The following FHOD3 variants were observed in gnomAD, a reference collection of about 807,000 sequenced individuals.
The protein encoded by FHOD3 is FH1/FH2 domain-containing protein 3.
FHOD3 carries 90 observed loss-of-function variants against 173.0 expected under a neutral mutation model. The ratio of observed to expected loss-of-function variants is 0.52; its 90% CI spans 0.44 to 0.62. FHOD3 has a LOEUF of 0.62. Ranked by LOEUF, FHOD3 falls within the 20% of genes least tolerant of loss-of-function variation. The probability of loss-of-function intolerance (pLI) is 0.00; values close to 1 mark genes in which losing one functional copy is unlikely to be tolerated. For synonymous variants in FHOD3, 828 were observed against 823.0 expected, an observed-to-expected ratio of 1.01 and a Z score of -0.10; for missense variants, 1,945 against 2,034.7, an observed-to-expected ratio of 0.96 and a Z score of 0.85.
Position 36,681,510 on chromosome 18 carries a change from G to A in FHOD3, c.1910G>A (p.Arg637Gln), listed in dbSNP as rs151313792. The A allele has an allele frequency of 3.1e-3, 5,011 of 1,613,828 alleles. 14 individuals are homozygous for A. The highest frequency in any genetic ancestry group is 3.9e-3 in the Non-Finnish European group (4,616 of 1,179,896). ...TCACTGGCAGCAGAGAGAGAGAGGCGGCGGCAGGAGAGAGAAGAAAGGTTG... is the reference window on the plus strand; with the variant it reads ...TCACTGGCAGCAGAGAGAGAGAGGCAGCGGCAGGAGAGAGAAGAAAGGTTG... The part of the protein sequence containing the change: ...QESLAAERER[R>Q]RQEREERLQR... Residue 637 changes from arginine to glutamine, a missense_variant, in exon 15 of 29, where the codon CGG becomes CAG. Physicochemically the swap from Arg to Gln is conservative, Grantham distance 43 (BLOSUM62 1). Around this residue, in one of 5 missense-constraint regions of FHOD3, gnomAD observed 1,099 missense variants for 1,051.2 expected, o/e 1.05. Transcript: ENST00000590592.
chr18:36,580,129 G>C (rs2058793733), intron 6 of FHOD3, among the ~76,000 whole-genome samples: 1 of 152,104 alleles, frequency 6.6e-6, no homozygotes, highest in South Asian at 2.1e-4. Flanking sequence ...AAATTAAAAA[G>C]TTTCAAAAAT....
chr18:36,616,806 G>A (rs1234375063), intron 9 of FHOD3, among the ~76,000 whole-genome samples: 1 of 152,176 alleles, frequency 6.6e-6, no homozygotes, highest in Non-Finnish European at 1.5e-5. Context: ...ATCAGAATTG[G>A]CTAATCAGAG....
intron 24 of FHOD3, 37 bp downstream of exon 24, chr18:36,747,172 A>G: frequency 6.8e-7 from 1 of 1,481,256 alleles, no homozygotes; most frequent in Non-Finnish European, 9.0e-7. Flanking sequence ...ATATCAGTAC[A>G]ATGGCATATT....
chr18:36,593,441 G>A (rs1237600975), intron 6 of FHOD3, among the ~76,000 whole-genome samples: 2 of 152,160 alleles, frequency 1.3e-5, no homozygotes, highest in African/African-American at 2.4e-5. Flanking sequence ...GAAGCAAGGG[G>A]GTAAAGGGGT....
chr18:36,316,500 G>C (rs1245792400), intron 1 of FHOD3, among the ~76,000 whole-genome samples: 1 of 152,210 alleles, frequency 6.6e-6, no homozygotes, highest in Non-Finnish European at 1.5e-5. Flanking sequence ...TTGTCCTTTT[G>C]AGCTGTCTAT....
At position 36,603,934 on chromosome 18, in the gene FHOD3, G is replaced by C. The variant is rs757508394; in HGVS notation, c.813+1166G>C. Among the ~76,000 whole-genome samples the C allele has an allele frequency of 4.6e-5, 7 of 152,280 alleles. No individual in the cohort carries two copies. The South Asian group carries it at 8.3e-4, about 18-fold the overall frequency. On this transcript the variant is annotated intron_variant, in intron 8 of 28. Transcript: ENST00000590592. ...ACTGCATATTGAAGTTGGACTCTTG[G>C]GCTGAGATAAGGAATCCTGGGGGTA...
intron 23 of FHOD3, among the ~76,000 whole-genome samples, chr18:36,745,585 GA>G (rs2042112198): frequency 6.6e-6 from 1 of 152,080 alleles, no homozygotes; most frequent in Non-Finnish European, 1.5e-5. Flanking sequence ...CTGGAGGTCT[GA>G]AGTCACTCCA....
intron 27 of FHOD3, among the ~76,000 whole-genome samples, chr18:36,764,383 A>T (rs1188223265): frequency 6.6e-6 from 1 of 152,198 alleles, no homozygotes; most frequent in Non-Finnish European, 1.5e-5. Context: ...GGCCTAAGAC[A>T]TCCCATGTAT....
intron 13 of FHOD3, among the ~76,000 whole-genome samples, chr18:36,657,668 A>G (rs995750932): frequency 6.6e-6 from 1 of 152,264 alleles, no homozygotes; most frequent in African/African-American, 2.4e-5. Flanking sequence ...TTAGCCAACC[A>G]TATGGTATTT....
intron 10 of FHOD3, among the ~76,000 whole-genome samples, chr18:36,642,498 A>T (rs2035389681): frequency 7.1e-6 from 1 of 141,304 alleles, no homozygotes; most frequent in Admixed American, 7.4e-5. Context: ...GGGTGCCTGT[A>T]GTTCCAGCTA....
intron 28 of FHOD3, among the ~76,000 whole-genome samples, chr18:36,773,693 G>A (rs2043497397): frequency 6.6e-6 from 1 of 152,182 alleles, no homozygotes; most frequent in Admixed American, 6.5e-5. Flanking sequence ...AGTTGCTGAT[G>A]GGAATTCGTT....
chr18:36,687,050 T>G (rs2149449468), intron 15 of FHOD3, 78 bp from the exon 16 acceptor site: 2 of 1,086,532 alleles, frequency 1.8e-6, no homozygotes, highest in Admixed American at 4.2e-5. Context: ...ATACTGTTTA[T>G]AATTTATTGG....
intron 10 of FHOD3, among the ~76,000 whole-genome samples, chr18:36,633,995 C>T (rs941861029): frequency 3.3e-5 from 5 of 152,096 alleles, no homozygotes; most frequent in Non-Finnish European, 4.4e-5. Flanking sequence ...ACTACCTTGG[C>T]GATGGAGTAA....
chr18:36,607,071 A>C (rs930541031), intron 8 of FHOD3, among the ~76,000 whole-genome samples: 1 of 151,958 alleles, frequency 6.6e-6, no homozygotes, highest in African/African-American at 2.4e-5. Context: ...GTAGCTCTAC[A>C]GTTCTGGGGT....
intron 14 of FHOD3, among the ~76,000 whole-genome samples, chr18:36,668,517 TCTTG>T (rs1180467711): frequency 2.6e-5 from 4 of 152,056 alleles, no homozygotes; most frequent in Non-Finnish European, 5.9e-5. Context: ...TGTTTTATTT[TCTTG>T]CTTCTGCTCA....
At chr18:36,619,531 C>T (rs149968208) in intron 9 of FHOD3, among the ~76,000 whole-genome samples, 3 of 152,334 alleles carry the variant, frequency 2.0e-5, no homozygotes, top group Admixed American at 6.5e-5. Flanking sequence ...CTTCTCCATT[C>T]CTGTGATCAT....
At chr18:36,767,430 C>T (rs533682102) in intron 27 of FHOD3, among the ~76,000 whole-genome samples, 2 of 152,276 alleles carry the variant, frequency 1.3e-5, no homozygotes, top group Non-Finnish European at 2.9e-5. Context: ...AGAGATTCTC[C>T]TGCCTCAGCC....
rs1600481698 is a variant in FHOD3 at position 36,735,619 on chromosome 18, A to G, written c.3576+4815A>G. On this transcript the variant is annotated intron_variant, in intron 20 of 28. Transcript: ENST00000590592. ...TGAATAATCATAAGAATGAAAGAAG[A>G]TACTATCAAGATGCTTTAAAAAGTT... Among the ~76,000 whole-genome samples the G allele has an allele frequency of 2.6e-5, 4 of 152,198 alleles. No individual in the cohort carries two copies. In the East Asian group the frequency reaches 7.7e-4, roughly 29 times the overall value.
At chr18:36,437,942 A>G (rs2050909800) in intron 3 of FHOD3, among the ~76,000 whole-genome samples, 1 of 152,088 alleles carries the variant, frequency 6.6e-6, no homozygotes, top group Non-Finnish European at 1.5e-5. Flanking sequence ...GATTACAGGC[A>G]TGAGCCACCG....
Sources: gnomAD v4.1 joint callset for allele counts (sites outside exome capture counted in the v4.1 genomes callset) on GRCh38, gnomAD v4.1.1 for gene constraint, gnomAD v4.1.1 regional missense constraint, MANE v1.5 for transcripts, NCBI Gene and HGNC (gene_info 2026-07-23, HGNC 2026-07-21) for gene names.